NBEAL1: variants seen among roughly 807,000 people sequenced by gnomAD.
NBEAL1 encodes the protein neurobeachin-like protein 1.
A neutral mutation model predicts 351.3 loss-of-function variants in NBEAL1; 273 were observed. That is an observed-to-expected ratio of 0.78 (90% confidence interval 0.70 to 0.86). NBEAL1 has a LOEUF of 0.86. Ranked by LOEUF, NBEAL1 falls within the 40% of genes least tolerant of loss-of-function variation. The pLI, the probability that NBEAL1 is intolerant of heterozygous loss-of-function variation, is 0.00. For synonymous variants in NBEAL1, 1,050 were observed against 1,086.4 expected (o/e 0.97, Z 0.66); for missense variants, 2,961 against 3,201.3 (o/e 0.92, Z 1.81).
intron 38 of NBEAL1, among the ~76,000 whole-genome samples, chr2:203,167,907 G>A (rs1249592811): frequency 6.6e-6 from 1 of 152,060 alleles, no homozygotes; most frequent in African/African-American, 2.4e-5. Context: ...TCCCCACCTT[G>A]CATAGCTCTC....
At chr2:203,172,045 T>C (rs1395445813) in intron 40 of NBEAL1, 22 bp downstream of exon 40, 11 of 1,415,936 alleles carry the variant, frequency 7.8e-6, no homozygotes, top group Non-Finnish European at 1.1e-5. Flanking sequence ...ATAAACCTTA[T>C]AAATGTGGAA....
chr2:203,208,675 G>A lies in NBEAL1; in HGVS notation c.7545G>A (p.Gln2515=). The change falls in exon 52 of 56, where the codon CAG becomes CAA. Residue 2515 remains glutamine (Q), a synonymous_variant. Transcript: ENST00000683969. The stretch of plus-strand genomic sequence containing the variant: ...TGGGCTTAGCATCTAAACCTTTTCA[G>A]ATTCTTTATGGACACACCAACGAGG... ...VPVGLASKPF[Q]ILYGHTNEVL... is the part of the protein sequence containing the mutation. The A allele has an allele frequency of 6.2e-7, 1 of 1,612,352 alleles. No individual in the cohort carries two copies. The highest frequency in any genetic ancestry group is 8.5e-7 in the Non-Finnish European group (1 of 1,179,608).
At chr2:203,195,947 G>A (rs2105795120) in intron 47 of NBEAL1, among the ~76,000 whole-genome samples, 1 of 152,240 alleles carries the variant, frequency 6.6e-6, no homozygotes, top group African/African-American at 2.4e-5. Flanking sequence ...TGTCATTGAG[G>A]GAAAGTTTTA....
At chr2:203,212,432 C>G (rs1302356282) in intron 54 of NBEAL1, among the ~76,000 whole-genome samples, 1 of 151,222 alleles carries the variant, frequency 6.6e-6, no homozygotes, top group African/African-American at 2.4e-5. Context: ...CATAGTGAAA[C>G]CCCATCTCTA....
intron 3 of NBEAL1, among the ~76,000 whole-genome samples, chr2:203,048,518 C>G (rs967664995): frequency 1.3e-5 from 2 of 151,946 alleles, no homozygotes; most frequent in Non-Finnish European, 2.9e-5. Flanking sequence ...GTTGTGTGAC[C>G]ACAGGAGTGA....
At position 203,144,924 on chromosome 2, in the gene NBEAL1, G is replaced by T; in HGVS notation, c.5154+19G>T. 2.6e-6 allele frequency: 4 copies of T among 1,546,582 alleles called. No individual in the cohort carries two copies. Among genetic ancestry groups the T allele is most frequent in the South Asian group, 2.5e-5 (2 of 80,772 alleles). On this transcript the variant is annotated intron_variant, in intron 32 of 55. Transcript: ENST00000683969. Reference sequence around the variant, plus strand: ...AAAATATGTAAGTTTTATCTTTTTTGATCAAGATTTTTCTGCTAATTTACC... The same window carrying T: ...AAAATATGTAAGTTTTATCTTTTTTTATCAAGATTTTTCTGCTAATTTACC...
At chr2:203,099,194 T>G (rs2062250905) in intron 11 of NBEAL1, among the ~76,000 whole-genome samples, 1 of 151,424 alleles carries the variant, frequency 6.6e-6, no homozygotes, top group African/African-American at 2.4e-5. Context: ...GAGAATCACT[T>G]GAACCTGGGA....
intron 2 of NBEAL1, chr2:203,040,651 G>C (rs1387675068): frequency 3.1e-6 from 2 of 655,672 alleles, no homozygotes; most frequent in Non-Finnish European, 2.8e-6. Context: ...GAAGTTTGGT[G>C]ACATTTGCTT....
intron 3 of NBEAL1, among the ~76,000 whole-genome samples, chr2:203,043,802 T>G (rs1029024650): frequency 5.3e-5 from 8 of 151,554 alleles, no homozygotes; most frequent in African/African-American, 1.9e-4. Flanking sequence ...AAAGAGTATC[T>G]GGAGACTTAA....
intron 2 of NBEAL1, among the ~76,000 whole-genome samples, chr2:203,036,087 CACTACTTA>C (rs2061036231): frequency 6.7e-6 from 1 of 149,208 alleles, no homozygotes; most frequent in African/African-American, 2.4e-5. Context: ...AGCACTCCTG[CACTACTTA>C]ATACATTTGT....
At chr2:203,194,265 G>T (rs538469526) in intron 47 of NBEAL1, among the ~76,000 whole-genome samples, 11 of 152,272 alleles carry the variant, frequency 7.2e-5, no homozygotes, top group Admixed American at 2.0e-4. Flanking sequence ...ATATAAAATA[G>T]ATCCTAATAA....
intron 5 of NBEAL1, 48 bp from the exon 6 acceptor site, chr2:203,057,278 G>A: frequency 6.8e-7 from 1 of 1,475,622 alleles, no homozygotes; most frequent in Middle Eastern, 1.7e-4. Flanking sequence ...CTTATTGTTA[G>A]ATGATAAGTA....
At position 203,145,685 on chromosome 2, in the gene NBEAL1, C is replaced by G. The variant is rs545473290; in HGVS notation, c.5304+525C>G. Reference sequence around the variant, plus strand: ...TGGTAGCATGTGCCTGTAATCCCAGCTACTAAGGGGGCTGGGGCAGAAGGA... The same window carrying G: ...TGGTAGCATGTGCCTGTAATCCCAGGTACTAAGGGGGCTGGGGCAGAAGGA... On this transcript the variant is annotated intron_variant, in intron 33 of 55. Coordinates refer to ENST00000683969, the MANE Select transcript of NBEAL1 (RefSeq NM_001378026.1). Among the ~76,000 whole-genome samples, 28 of 150,810 alleles carry G rather than the reference C, an allele frequency of 1.9e-4. 1 individual carries two copies. In the South Asian group the frequency reaches 5.9e-3, roughly 32 times the overall value.
At chr2:203,059,677 G>A (rs1258181047) in intron 6 of NBEAL1, among the ~76,000 whole-genome samples, 1 of 152,158 alleles carries the variant, frequency 6.6e-6, no homozygotes, top group Non-Finnish European at 1.5e-5. Flanking sequence ...AGTTAGTGCC[G>A]TGACTACCTT....
Position 203,116,002 on chromosome 2 carries a change from C to A in NBEAL1, c.2524C>A (p.Pro842Thr). Residue 842 changes from proline to threonine, a missense_variant, in exon 18 of 56, where the codon CCT becomes ACT. Physicochemically the swap from Pro to Thr is conservative, Grantham distance 38. Coordinates refer to ENST00000683969, the MANE Select transcript of NBEAL1 (RefSeq NM_001378026.1). ...LYLAGPNCLS[P>T]WKCQESDMAD... is the part of the protein sequence containing the mutation. ...ATTTTCAGGTCCAAATTGTTTAAGC[C>A]CTTGGAAGTGTCAAGAGTCTGACAT... 1 of 1,552,686 alleles carries A rather than the reference C, an allele frequency of 6.4e-7. No individual in the cohort carries two copies. Among genetic ancestry groups the A allele is most frequent in the Non-Finnish European group, 8.7e-7 (1 of 1,146,944 alleles).
At chr2:203,189,400 T>A (rs535794150) in intron 45 of NBEAL1, among the ~76,000 whole-genome samples, 1 of 152,184 alleles carries the variant, frequency 6.6e-6, no homozygotes, top group South Asian at 2.1e-4. Context: ...TATTTTTTTA[T>A]CTTGTGACTG....
In NBEAL1 at chr2:203,139,606, T is replaced by A. The variant is rs562933218; in HGVS notation, c.4848+858T>A. 1.8e-4 allele frequency among the ~76,000 whole-genome samples: 25 copies of A among 139,406 alleles called. 1 individual carries two copies. The South Asian group carries it at 6.3e-3, about 35-fold the overall frequency. 91.5% of individuals were successfully genotyped at this position (139,406 alleles called of 152,430 possible). On this transcript the variant is annotated intron_variant, in intron 31 of 55. Coordinates refer to ENST00000683969, the MANE Select transcript of NBEAL1 (RefSeq NM_001378026.1). Reference sequence around the variant, plus strand: ...TTTTTTGAGACAGAGTGTCTCTGTGTCTTCCAGGCTGGAGTGCGGTGGCTC... The same window carrying A: ...TTTTTTGAGACAGAGTGTCTCTGTGACTTCCAGGCTGGAGTGCGGTGGCTC...
At chr2:203,172,892 T>C (rs764837265) in intron 41 of NBEAL1, 39 bp downstream of exon 41, 3 of 1,543,282 alleles carry the variant, frequency 1.9e-6, no homozygotes, top group Non-Finnish European at 2.6e-6. Context: ...TACACATTGC[T>C]TCTTTGAATT....
chr2:203,153,432 G>A (rs2063715591), intron 35 of NBEAL1, among the ~76,000 whole-genome samples: 1 of 151,958 alleles, frequency 6.6e-6, no homozygotes, highest in Admixed American at 6.6e-5. Context: ...ACTTGAGCCG[G>A]CATGGCTGGC....
Sources: gnomAD v4.1 joint callset for allele counts (sites outside exome capture counted in the v4.1 genomes callset) on GRCh38, gnomAD v4.1.1 for gene constraint, MANE v1.5 for transcripts, NCBI Gene and HGNC (gene_info 2026-07-23, HGNC 2026-07-21) for gene names.